PGM3: variants seen among roughly 807,000 people sequenced by gnomAD.
PGM3 encodes phosphoglucomutase 3, also known as phosphoacetylglucosamine mutase.
In PGM3, 40 loss-of-function variants were observed where a neutral mutation model predicts 66.2. The observed-to-expected ratio is 0.60, with a 90% confidence interval of 0.47 to 0.79. The LOEUF (loss-of-function observed/expected upper bound fraction) is 0.79, where lower values mean the gene tolerates loss of function less well. Ranked by LOEUF, PGM3 falls within the 30% of genes least tolerant of loss-of-function variation. The pLI is 0.00. For missense variants in PGM3, 537 were observed against 643.4 expected, an observed-to-expected ratio of 0.83 and a Z score of 1.79; for synonymous variants, 191 against 224.2, an observed-to-expected ratio of 0.85 and a Z score of 1.32.
At chr6:83,173,830 G>T (rs1198539394) in intron 10 of PGM3, among the ~76,000 whole-genome samples, 1 of 152,068 alleles carries the variant, frequency 6.6e-6, no homozygotes, top group Non-Finnish European at 1.5e-5. Flanking sequence ...TCTGCCTCCC[G>T]GGTTCACACC....
chr6:83,164,459 A>G (rs13196130), downstream of PGM3, among the ~76,000 whole-genome samples: 1 of 152,070 alleles, frequency 6.6e-6, no homozygotes, highest in African/African-American at 2.4e-5. Flanking sequence ...TTCATTAGTA[A>G]TGAGAATTTT....
chr6:83,153,770 T>C, the PGM3 span: 2 of 1,208,476 alleles, frequency 1.7e-6, no homozygotes, highest in Admixed American at 5.5e-5. Context: ...ATTATTTTTC[T>C]TATGGTGCTT....
Position 83,168,182 on chromosome 6 carries a change from T to G in PGM3, c.*1052A>C. 1.9e-6 allele frequency: 3 copies of G among 1,601,808 alleles called. No individual in the cohort carries two copies. The highest frequency in any genetic ancestry group is 1.7e-6 in the Non-Finnish European group (2 of 1,175,174). ...TAAAAACTTGAGCACCATTGCTGGT[T>G]CCATTTAGCTTACATGTAAATGTAA... On this transcript the variant is annotated 3_prime_UTR_variant, in exon 13 of 13. Transcript: ENST00000513973.
chr6:83,168,384 C>A lies in PGM3; in HGVS notation c.*850G>T. Reference sequence around the variant, plus strand: ...ATACTGATTATGGTGCCTAAGAGAGCTATATATATACACATGTAAAGTCCA... The same window carrying A: ...ATACTGATTATGGTGCCTAAGAGAGATATATATATACACATGTAAAGTCCA... On this transcript the variant is annotated 3_prime_UTR_variant, in exon 13 of 13. Transcript: ENST00000513973. The A allele has an allele frequency of 2.2e-6, 3 of 1,352,524 alleles. No individual in the cohort carries two copies. Among genetic ancestry groups the A allele is most frequent in the Non-Finnish European group, 2.8e-6 (3 of 1,053,732 alleles). The allele number at this position is 1,352,524 out of a possible 1,614,324, so 83.8% of individuals were successfully genotyped here. A position where few individuals can be genotyped will look rare whatever the true frequency, so the allele number is the denominator to read the frequency against.
rs764215706 is a variant in PGM3, at chr6:83,188,725, C to T, written c.278G>A (p.Cys93Tyr). 2.5e-6 allele frequency: 4 copies of T among 1,614,014 alleles called. No individual in the cohort carries two copies. Among genetic ancestry groups the T allele is most frequent in the Non-Finnish European group, 3.4e-6 (4 of 1,179,990 alleles). ...ATCTTGTTCCTCAGCATTTGCTAAACAGGTGGCATGTTCCTCCCAGGATGG... is the reference window on the plus strand; with the variant it reads ...ATCTTGTTCCTCAGCATTTGCTAAATAGGTGGCATGTTCCTCCCAGGATGG... ...LAPSWEEHAT[C>Y]LANAEEQDMQ... Residue 93 changes from cysteine to tyrosine, a missense_variant, in exon 3 of 13, where the codon TGT becomes TAT. Transcript: ENST00000513973.
In PGM3 at chr6:83,186,742, C is replaced by T. The variant is rs371041689; in HGVS notation, c.457+266G>A. Among the ~76,000 whole-genome samples, 8 of 152,238 alleles carry T rather than the reference C, an allele frequency of 5.3e-5. No homozygotes were observed. The East Asian group carries it at 1.5e-3, about 29-fold the overall frequency. On this transcript the variant is annotated intron_variant, in intron 4 of 12. Transcript: ENST00000513973. ...AGGTTTTTATTTGAGGAAATTCAGCCTTACCAAAGTAAAGGAAGTTGTATT... is the reference window on the plus strand; with the variant it reads ...AGGTTTTTATTTGAGGAAATTCAGCTTTACCAAAGTAAAGGAAGTTGTATT...
rs1437751878 is a variant in PGM3, at chr6:83,176,006, C to T, written c.1084G>A (p.Glu362Lys). The T allele has an allele frequency of 6.2e-7, 1 of 1,612,354 alleles. No individual in the cohort carries two copies. The highest frequency in any genetic ancestry group is 8.5e-7 in the Non-Finnish European group (1 of 1,178,550). ...GVKHLHHKAQ[E>K]FDIGVYFEAN... ...TCAAAATAAACTCCAATGTCAAACTCTTGAGCCTTGTGGTGCAAATGTTTT... is the reference window on the plus strand; with the variant it reads ...TCAAAATAAACTCCAATGTCAAACTTTTGAGCCTTGTGGTGCAAATGTTTT... Residue 362 changes from glutamate (E) to lysine (K), a missense_variant, in exon 9 of 13, where the codon GAG (glutamate) becomes AAG (lysine). Physicochemically the swap from Glu to Lys is moderately conservative, Grantham distance 56 (BLOSUM62 1). Coordinates refer to ENST00000513973, the MANE Select transcript of PGM3 (RefSeq NM_015599.3).
chr6:83,174,352 C>A, intron 10 of PGM3, 22 bp downstream of exon 10: 8 of 1,179,018 alleles, frequency 6.8e-6, no homozygotes, highest in African/African-American at 1.5e-5. Flanking sequence ...AACCAAGAGT[C>A]CACTGCCCCA....
At chr6:83,148,762 T>G in the PGM3 span, 1 of 1,546,522 alleles carries the variant, frequency 6.5e-7, no homozygotes, top group Non-Finnish European at 8.7e-7. Context: ...CTTGCAGAAT[T>G]CCAGTGCCCA....
At chr6:83,150,258 C>T in the PGM3 span, among the ~76,000 whole-genome samples, 2 of 152,148 alleles carry the variant, frequency 1.3e-5, no homozygotes, top group African/African-American at 2.4e-5. Context: ...CCTGTAGTCC[C>T]AGCTACACAG....
chr6:83,157,744 C>A (rs1436517580), downstream of PGM3, among the ~76,000 whole-genome samples: 4 of 151,136 alleles, frequency 2.6e-5, no homozygotes, highest in Non-Finnish European at 5.9e-5. Context: ...GCAGCACCTA[C>A]CCCATTTAAA....
intron 3 of PGM3, among the ~76,000 whole-genome samples, chr6:83,187,631 A>G (rs1788678725): frequency 6.6e-6 from 1 of 152,068 alleles, no homozygotes; most frequent in Admixed American, 6.6e-5. Flanking sequence ...CGGTGAAACC[A>G]CGTCTCTACT....
chr6:83,154,635 G>A, the PGM3 span, among the ~76,000 whole-genome samples: 2 of 152,018 alleles, frequency 1.3e-5, no homozygotes, highest in South Asian at 2.1e-4. Context: ...GCAGGCAGTC[G>A]AATCCAGCCT....
chr6:83,188,541 GATTA>G, intron 3 of PGM3, 69 bp downstream of exon 3: 1 of 1,222,890 alleles, frequency 8.2e-7, no homozygotes. Flanking sequence ...ATTTGTCTTG[GATTA>G]AAACTGATAC....
At position 83,166,223 on chromosome 6, in the gene PGM3, C is replaced by T. The variant is rs1785508745; in HGVS notation, c.*3011G>A. 1.6e-5 allele frequency: 8 copies of T among 504,084 alleles called. No individual in the cohort carries two copies. In the South Asian group the frequency reaches 2.4e-4, roughly 15 times the overall value. The allele number at this position is 504,084 out of a possible 1,614,324, so 31.2% of individuals were successfully genotyped here. ...TTTTCAATTTGCTTCAAATGCCGAA[C>T]GACCATAAAATGGTCAACATTGAGT... On this transcript the variant is annotated 3_prime_UTR_variant, in exon 13 of 13. Transcript: ENST00000513973.
Position 83,182,994 on chromosome 6 carries a change from A to G in PGM3, c.458-16T>C. 6.2e-7 allele frequency: 1 copy of G among 1,607,120 alleles called. No individual in the cohort carries two copies. The highest frequency in any genetic ancestry group is 8.5e-7 in the Non-Finnish European group (1 of 1,176,446). ...AAGCCATAATCTGTCATAGAAATAC[A>G]AAAAGCAATTCACCGCATTTCTTAA... is the stretch of plus-strand genomic sequence containing the variant. On this transcript the variant is annotated splice_polypyrimidine_tract_variant and intron_variant, in intron 4 of 12. Transcript: ENST00000513973.
the PGM3 span, chr6:83,148,893 A>T: frequency 7.6e-7 from 1 of 1,309,690 alleles, no homozygotes; most frequent in Non-Finnish European, 1.0e-6. Flanking sequence ...ATTATTTCAA[A>T]TAAAAGGATA....
chr6:83,158,416 AG>A (rs965345270), downstream of PGM3: 26 of 660,568 alleles, frequency 3.9e-5, no homozygotes, highest in Middle Eastern at 4.2e-4. Flanking sequence ...CTAAATTTGC[AG>A]TTTTACCTTC....
rs1583297723 is a variant in PGM3 at position 83,190,356 on chromosome 6, T to A, written c.204+453A>T. ...GACTAGAACTATCAGGCGTCATCAA[T>A]ATTCTGCCAAAGCTCACCTGTTTGT... On this transcript the variant is annotated intron_variant, in intron 2 of 12. Transcript: ENST00000513973. 2.6e-5 allele frequency among the ~76,000 whole-genome samples: 4 copies of A among 152,358 alleles called. No homozygotes were observed. The South Asian group carries it at 6.2e-4, about 24-fold the overall frequency.
Sources: allele counts gnomAD v4.1 joint callset (sites outside exome capture counted in the v4.1 genomes callset), GRCh38; gene constraint gnomAD v4.1.1; transcripts MANE v1.5; gene names NCBI Gene and HGNC (gene_info 2026-07-23, HGNC 2026-07-21).